Variants in PTPRD observed in about 807,000 individuals in gnomAD.
PTPRD encodes the protein receptor-type tyrosine-protein phosphatase delta.
A neutral mutation model predicts 214.5 loss-of-function variants in PTPRD; 34 were observed. The ratio of observed to expected loss-of-function variants is 0.16; its 90% CI spans 0.12 to 0.21. The LOEUF is 0.21. Ranked by LOEUF, PTPRD falls within the 10% of genes least tolerant of loss-of-function variation. The probability of loss-of-function intolerance (pLI) is 1.00; values close to 1 mark genes in which losing one functional copy is unlikely to be tolerated. For missense variants in PTPRD, 2,545 were observed against 2,398.7 expected (o/e 1.06, Z -1.27); for synonymous variants, 1,128 against 845.7 (o/e 1.33, Z -5.79).
At chr9:9,396,426 A>G (rs545909841) in intron 9 of PTPRD, among the ~76,000 whole-genome samples, 17 of 152,166 alleles carry the variant, frequency 1.1e-4, no homozygotes, top group Non-Finnish European at 2.5e-4. Context: ...ATTCATAGAC[A>G]TATTAAGGTT....
At position 8,319,902 on chromosome 9, in the gene PTPRD, C is replaced by G. The variant is rs2130711188; in HGVS notation, c.5599G>C (p.Glu1867Gln). The G allele has an allele frequency of 6.2e-7, 1 of 1,613,144 alleles. No individual in the cohort carries two copies. The highest frequency in any genetic ancestry group is 8.5e-7 in the Non-Finnish European group (1 of 1,179,474). The change falls in exon 45 of 46, where the codon GAA (glutamate) becomes CAA (glutamine). Residue 1867 changes from glutamate (E) to glutamine (Q), a missense_variant. Coordinates refer to ENST00000381196, the MANE Select transcript of PTPRD (RefSeq NM_002839.4). ...GTCTGGAAGATATCTACAACTCCTTCATATCTCATTCTTTCCAAAACAATG... is the reference window on the plus strand; with the variant it reads ...GTCTGGAAGATATCTACAACTCCTTGATATCTCATTCTTTCCAAAACAATG... ...LSIVLERMRYEGVVDIFQTVK... is the reference protein window; with the variant it reads ...LSIVLERMRYQGVVDIFQTVK...
intron 7 of PTPRD, among the ~76,000 whole-genome samples, chr9:9,579,033 C>T (rs1324926293): frequency 1.3e-5 from 2 of 152,058 alleles, no homozygotes; most frequent in Non-Finnish European, 2.9e-5. Context: ...CATTTTTAAT[C>T]CAAGGAGTCT....
intron 8 of PTPRD, among the ~76,000 whole-genome samples, chr9:9,514,590 C>T (rs2096789572): frequency 6.6e-6 from 1 of 152,074 alleles, no homozygotes; most frequent in Admixed American, 6.6e-5. Flanking sequence ...CATTAACTTC[C>T]TTATACTCCA....
chr9:9,375,241 C>T (rs1457100724), intron 9 of PTPRD, among the ~76,000 whole-genome samples: 3 of 152,148 alleles, frequency 2.0e-5, no homozygotes, highest in East Asian at 1.9e-4. Context: ...GTGGATAATC[C>T]ACCAATGAAT....
rs548346353 is a variant in PTPRD, at chr9:10,188,470, T to C, written c.-545+152493A>G. 2.8e-4 allele frequency among the ~76,000 whole-genome samples: 42 copies of C among 152,292 alleles called. 1 individual carries two copies. The highest frequency in any genetic ancestry group is 4.7e-4 in the Non-Finnish European group (32 of 68,012). On this transcript the variant is annotated intron_variant, in intron 3 of 45. Transcript: ENST00000381196. ...TAATTTATAACATCTTAGAAACTTGTTAACTTTTTTTGACTTTCCAAATCA... is the reference window on the plus strand; with the variant it reads ...TAATTTATAACATCTTAGAAACTTGCTAACTTTTTTTGACTTTCCAAATCA...
intron 10 of PTPRD, among the ~76,000 whole-genome samples, chr9:9,155,103 T>C (rs908333968): frequency 6.6e-6 from 1 of 152,176 alleles, no homozygotes; most frequent in African/African-American, 2.4e-5. Flanking sequence ...TATCAGTTTC[T>C]TATGTAGTAC....
chr9:9,106,375 C>G (rs951721980), intron 10 of PTPRD, among the ~76,000 whole-genome samples: 12 of 151,708 alleles, frequency 7.9e-5, no homozygotes, highest in African/African-American at 2.9e-4. Context: ...AATATTAATA[C>G]TTAATATGTT....
chr9:9,434,921 G>C (rs4388501), intron 8 of PTPRD, among the ~76,000 whole-genome samples: 55,782 of 148,632 alleles, frequency 0.38, 11,058 homozygotes, highest in Middle Eastern at 0.56. Context: ...CTGATTTAAA[G>C]TATCCTCTGT....
At chr9:8,675,378 T>A (rs1032395352) in intron 12 of PTPRD, among the ~76,000 whole-genome samples, 1 of 151,894 alleles carries the variant, frequency 6.6e-6, no homozygotes, top group Non-Finnish European at 1.5e-5. Context: ...CTATTACAGA[T>A]TCATTAATCA....
chr9:8,590,919 G>A (rs911523834), intron 14 of PTPRD, among the ~76,000 whole-genome samples: 9 of 152,180 alleles, frequency 5.9e-5, no homozygotes, highest in African/African-American at 1.9e-4. Flanking sequence ...CACTGGGTTA[G>A]ACTGAGGTGT....
chr9:10,229,104 C>T (rs1415422664), intron 3 of PTPRD, among the ~76,000 whole-genome samples: 1 of 151,944 alleles, frequency 6.6e-6, no homozygotes, highest in Non-Finnish European at 1.5e-5. Flanking sequence ...TGACAAAATG[C>T]TCATCATCAC....
chr9:9,924,180 A>AT (rs1385381995), intron 5 of PTPRD, among the ~76,000 whole-genome samples: 2 of 152,016 alleles, frequency 1.3e-5, no homozygotes, highest in East Asian at 3.9e-4. Context: ...GAGTCCTGTA[A>AT]TTGGTGCACC....
intron 11 of PTPRD, among the ~76,000 whole-genome samples, chr9:8,803,969 C>G (rs767583299): frequency 9.2e-5 from 14 of 151,900 alleles, no homozygotes; most frequent in Middle Eastern, 3.4e-3. Context: ...TCCACCCCCC[C>G]ACAGACGGAG....
chr9:9,071,930 A>G (rs2099744319), intron 10 of PTPRD, among the ~76,000 whole-genome samples: 1 of 152,180 alleles, frequency 6.6e-6, no homozygotes, highest in South Asian at 2.1e-4. Context: ...CTGTTTGTGT[A>G]TAACACATAG....
chr9:9,355,436 C>A (rs1231064167), intron 9 of PTPRD, among the ~76,000 whole-genome samples: 1 of 151,490 alleles, frequency 6.6e-6, no homozygotes, highest in Non-Finnish European at 1.5e-5. Context: ...ATCTTCATAG[C>A]ATTTTTTATA....
Position 10,067,900 on chromosome 9 carries a change from G to T in PTPRD, c.-544-34110C>A, listed in dbSNP as rs114094418. On this transcript the variant is annotated intron_variant, in intron 3 of 45. Transcript: ENST00000381196. ...TTTCTGGTGAAATACTCCCATTATG[G>T]TCAATTTCAATCTACCCATGTGATG... 8.7e-3 allele frequency among the ~76,000 whole-genome samples: 1,317 copies of T among 151,914 alleles called. 14 individuals are homozygous for T. Among genetic ancestry groups the T allele is most frequent in the African/African-American group, 0.028 (1,143 of 41,508 alleles).
Position 9,701,039 on chromosome 9 carries a change from T to TA in PTPRD, c.-287+33493dup, listed in dbSNP as rs56157927. On this transcript the variant is annotated intron_variant, in intron 7 of 45. Transcript: ENST00000381196. ...CTTTCTAAACACTTCATCCTGAGATTAAAAAAAAAAAAAAAATTGAATAGG... is the reference window on the plus strand; with the variant it reads ...CTTTCTAAACACTTCATCCTGAGATTAAAAAAAAAAAAAAAAATTGAATAGG... Among the ~76,000 whole-genome samples the TA allele has an allele frequency of 9.3e-3, 1,307 of 140,554 alleles. 6 individuals carry two copies. Among genetic ancestry groups the TA allele is most frequent in the African/African-American group, 0.023 (865 of 38,404 alleles). The allele number at this position is 140,554 out of a possible 152,430, so 92.2% of individuals were successfully genotyped here.
intron 9 of PTPRD, among the ~76,000 whole-genome samples, chr9:9,311,604 C>T (rs561510240): frequency 6.6e-6 from 1 of 152,080 alleles, no homozygotes; most frequent in Admixed American, 6.6e-5. Flanking sequence ...TAGAAGGATG[C>T]TTTCTTGCAT....
chr9:9,709,824 T>C (rs2097692502), intron 7 of PTPRD, among the ~76,000 whole-genome samples: 1 of 152,090 alleles, frequency 6.6e-6, no homozygotes, highest in Non-Finnish European at 1.5e-5. Context: ...TTAGAGATAT[T>C]CCATTACAGA....
Sources: gnomAD v4.1 joint callset for allele counts (sites outside exome capture counted in the v4.1 genomes callset) on GRCh38, gnomAD v4.1.1 for gene constraint, MANE v1.5 for transcripts, NCBI Gene and HGNC (gene_info 2026-07-23, HGNC 2026-07-21) for gene names.